Variants in SLC25A21 observed in about 807,000 individuals in gnomAD.
SLC25A21 encodes the protein mitochondrial 2-oxodicarboxylate carrier.
In SLC25A21, 47 loss-of-function variants were observed where a neutral mutation model predicts 43.8. The observed-to-expected ratio is 1.07, with a 90% CI of 0.85 to 1.37. The LOEUF is 1.37. Ranked by LOEUF, SLC25A21 falls within the 40% of genes most tolerant of loss-of-function variation. The probability of loss-of-function intolerance (pLI) is 0.00; values close to 1 mark genes in which losing one functional copy is unlikely to be tolerated. For missense variants in SLC25A21, 352 were observed against 350.2 expected (o/e 1.00, Z -0.04); for synonymous variants, 131 against 121.3 (o/e 1.08, Z -0.52).
chr14:37,003,588 G>C (rs1960535578), intron 1 of SLC25A21, among the ~76,000 whole-genome samples: 1 of 152,144 alleles, frequency 6.6e-6, no homozygotes, highest in South Asian at 2.1e-4. Flanking sequence ...TATAATGAAT[G>C]AATCACAACT....
At chr14:37,020,183 AGAGT>A (rs1265916681) in intron 1 of SLC25A21, among the ~76,000 whole-genome samples, 1 of 151,990 alleles carries the variant, frequency 6.6e-6, no homozygotes, top group African/African-American at 2.4e-5. Flanking sequence ...GTAGTTAATA[AGAGT>A]AAGTGCAGAG....
chr14:36,780,205 T>C (rs1301803752), intron 3 of SLC25A21, among the ~76,000 whole-genome samples: 2 of 151,900 alleles, frequency 1.3e-5, no homozygotes, highest in African/African-American at 4.8e-5. Flanking sequence ...TCTTTAATTT[T>C]TGATTTTGAG....
chr14:36,714,907 C>T (rs147245590), intron 6 of SLC25A21, among the ~76,000 whole-genome samples: 1 of 152,258 alleles, frequency 6.6e-6, no homozygotes, highest in East Asian at 1.9e-4. Flanking sequence ...GTGGTTCTGC[C>T]ATCCTAACAT....
intron 1 of SLC25A21, among the ~76,000 whole-genome samples, chr14:37,145,285 A>C (rs1963642752): frequency 6.6e-6 from 1 of 151,852 alleles, no homozygotes; most frequent in Non-Finnish European, 1.5e-5. Flanking sequence ...TTTTTTTAAG[A>C]GATGGGGTCT....
At chr14:36,800,128 G>GT (rs1052907452) in intron 3 of SLC25A21, among the ~76,000 whole-genome samples, 2 of 152,008 alleles carry the variant, frequency 1.3e-5, no homozygotes, top group South Asian at 2.1e-4. Context: ...CCATCTTCTA[G>GT]TTTTTTGAAC....
chr14:37,079,211 C>T (rs1358128871), intron 1 of SLC25A21, among the ~76,000 whole-genome samples: 1 of 152,140 alleles, frequency 6.6e-6, no homozygotes, highest in African/African-American at 2.4e-5. Context: ...TGTCGTCAGC[C>T]CAGATCTGTG....
At chr14:36,872,470 TGA>T (rs1890401718) in intron 2 of SLC25A21, among the ~76,000 whole-genome samples, 1 of 152,184 alleles carries the variant, frequency 6.6e-6, no homozygotes, top group Non-Finnish European at 1.5e-5. Context: ...TTCCCACATG[TGA>T]GTCTGCTCCT....
chr14:36,839,558 A>G (rs1250169525), intron 2 of SLC25A21, among the ~76,000 whole-genome samples: 9 of 152,250 alleles, frequency 5.9e-5, no homozygotes. Context: ...TACTTTCTCA[A>G]TCTGGCTTTG....
intron 1 of SLC25A21, among the ~76,000 whole-genome samples, chr14:36,972,529 A>G (rs1320329812): frequency 2.6e-5 from 4 of 152,224 alleles, no homozygotes; most frequent in African/African-American, 9.6e-5. Flanking sequence ...AAGAAAATCA[A>G]GTAAACTGAA....
At chr14:36,842,801 A>T (rs1889426067) in intron 2 of SLC25A21, among the ~76,000 whole-genome samples, 1 of 152,190 alleles carries the variant, frequency 6.6e-6, no homozygotes, top group Admixed American at 6.5e-5. Flanking sequence ...CTGGTGCCAC[A>T]GAAGTGGAAA....
rs372679414 is a variant in SLC25A21, at chr14:36,871,472, AC to A, written c.119+3483del. Among the ~76,000 whole-genome samples the A allele has an allele frequency of 4.8e-3, 732 of 152,336 alleles. 7 individuals are homozygous for A. The highest frequency in any genetic ancestry group is 0.013 in the African/African-American group (558 of 41,566). On this transcript the variant is annotated intron_variant, in intron 2 of 9. Transcript: ENST00000331299. ...AGATGAACATACCCAGTTGTATCAG[AC>A]ATGAAATCCTTGTTTTTGTAATCTG...
chr14:37,062,240 G>A (rs1398944097), intron 1 of SLC25A21, among the ~76,000 whole-genome samples: 2 of 152,072 alleles, frequency 1.3e-5, no homozygotes, highest in African/African-American at 2.4e-5. Flanking sequence ...AATTCTACAG[G>A]CATTGGAAGT....
At chr14:36,871,157 C>T (rs916556998) in intron 2 of SLC25A21, among the ~76,000 whole-genome samples, 1 of 151,778 alleles carries the variant, frequency 6.6e-6, no homozygotes, top group African/African-American at 2.4e-5. Flanking sequence ...AATCCAACCC[C>T]GCAAGGTGAT....
chr14:36,995,390 A>G (rs1235877645), intron 1 of SLC25A21, among the ~76,000 whole-genome samples: 1 of 152,110 alleles, frequency 6.6e-6, no homozygotes, highest in Non-Finnish European at 1.5e-5. Context: ...GTTTTTTATA[A>G]TAGTAAAGGC....
intron 1 of SLC25A21, among the ~76,000 whole-genome samples, chr14:36,961,936 T>G (rs182598175): frequency 1.1e-4 from 16 of 152,038 alleles, no homozygotes; most frequent in Admixed American, 1.0e-3. Context: ...AAAACCATGA[T>G]AGAAGAAGAA....
chr14:37,136,779 T>A (rs1024429705), intron 1 of SLC25A21, among the ~76,000 whole-genome samples: 2 of 152,166 alleles, frequency 1.3e-5, no homozygotes, highest in African/African-American at 4.8e-5. Flanking sequence ...TAAATGTATA[T>A]TGCTTGGTGA....
chr14:36,821,777 A>G (rs1279688501), intron 2 of SLC25A21, among the ~76,000 whole-genome samples: 1 of 152,218 alleles, frequency 6.6e-6, no homozygotes, highest in African/African-American at 2.4e-5. Flanking sequence ...AGATCGTGCC[A>G]CTGCACTCCA....
chr14:36,683,909 C>T (rs1882408290), intron 8 of SLC25A21, 29 bp from the exon 9 acceptor site: 1 of 1,562,414 alleles, frequency 6.4e-7, no homozygotes. Flanking sequence ...GAGAAACGTT[C>T]TTATTCTGAA....
Position 37,096,037 on chromosome 14 carries a change from T to C in SLC25A21, c.70+76244A>G, listed in dbSNP as rs753159806. On this transcript the variant is annotated intron_variant, in intron 1 of 9. Transcript: ENST00000331299. ...CCAAAGTGAGAAATATTCTATTAAATTGTTCAAAAATGTCAACATTATAAA... is the reference window on the plus strand; with the variant it reads ...CCAAAGTGAGAAATATTCTATTAAACTGTTCAAAAATGTCAACATTATAAA... 5.3e-5 allele frequency among the ~76,000 whole-genome samples: 8 copies of C among 152,236 alleles called. 1 individual carries two copies. Among genetic ancestry groups the C allele is most frequent in the Non-Finnish European group, 8.8e-5 (6 of 68,018 alleles).
Sources: gnomAD v4.1 joint callset for allele counts (sites outside exome capture counted in the v4.1 genomes callset) on GRCh38, gnomAD v4.1.1 for gene constraint, MANE v1.5 for transcripts, NCBI Gene and HGNC (gene_info 2026-07-23, HGNC 2026-07-21) for gene names.